Variants in PHACTR1 observed in about 807,000 individuals in gnomAD.
PHACTR1 encodes phosphatase and actin regulator 1.
Under a neutral mutation model 69.2 loss-of-function variants are expected in PHACTR1, and 16 were observed. The observed-to-expected ratio is 0.23, with a 90% CI of 0.16 to 0.35. PHACTR1 has a LOEUF of 0.35. Ranked by LOEUF, PHACTR1 falls within the 10% of genes least tolerant of loss-of-function variation. The probability of loss-of-function intolerance (pLI) is 1.00; values close to 1 mark genes in which losing one functional copy is unlikely to be tolerated. For missense variants in PHACTR1, 510 were observed against 734.7 expected (o/e 0.69, Z 3.54); for synonymous variants, 312 against 284.5 (o/e 1.10, Z -0.97).
At chr6:13,177,222 C>A (rs956651191) in intron 6 of PHACTR1, among the ~76,000 whole-genome samples, 3 of 137,810 alleles carry the variant, frequency 2.2e-5, no homozygotes, top group African/African-American at 8.8e-5. Context: ...TGGTAGTGTG[C>A]ACCTGTAGTC....
intron 4 of PHACTR1, among the ~76,000 whole-genome samples, chr6:12,810,951 G>A (rs144391515): frequency 9.2e-5 from 14 of 152,324 alleles, no homozygotes; most frequent in African/African-American, 1.9e-4. Context: ...GGAGCAGTCC[G>A]TTTCTTCATT....
chr6:12,759,616 A>G (rs1767806462), intron 4 of PHACTR1, among the ~76,000 whole-genome samples: 1 of 152,210 alleles, frequency 6.6e-6, no homozygotes, highest in Non-Finnish European at 1.5e-5. Context: ...GGGGCCAAGA[A>G]AAATGTTTTA....
At chr6:13,233,055 C>G (rs933541993) in intron 10 of PHACTR1, among the ~76,000 whole-genome samples, 1 of 152,172 alleles carries the variant, frequency 6.6e-6, no homozygotes, top group Non-Finnish European at 1.5e-5. Context: ...GCCTGTGAGG[C>G]TGGCCACCTG....
chr6:13,236,578 C>T (rs969363792), intron 10 of PHACTR1, among the ~76,000 whole-genome samples: 1 of 152,148 alleles, frequency 6.6e-6, no homozygotes, highest in Admixed American at 6.5e-5. Context: ...ACATCAATCT[C>T]TGCCTTCGTC....
chr6:13,036,252 T>C (rs1025928034), intron 4 of PHACTR1, among the ~76,000 whole-genome samples: 3 of 152,172 alleles, frequency 2.0e-5, no homozygotes, highest in African/African-American at 7.2e-5. Context: ...CCTATCCCTA[T>C]GCATAAATAG....
At chr6:13,134,022 C>T (rs1050232598) in intron 5 of PHACTR1, among the ~76,000 whole-genome samples, 2 of 148,830 alleles carry the variant, frequency 1.3e-5, no homozygotes, top group Admixed American at 1.3e-4. Flanking sequence ...CTCTGCCCGA[C>T]CACCACCCCA....
chr6:13,180,834 C>A (rs1265844466), intron 6 of PHACTR1, among the ~76,000 whole-genome samples: 1 of 152,212 alleles, frequency 6.6e-6, no homozygotes, highest in Non-Finnish European at 1.5e-5. Flanking sequence ...CTCAGCCCTT[C>A]CCATCCCAAA....
intron 4 of PHACTR1, among the ~76,000 whole-genome samples, chr6:12,995,966 A>G (rs1797369415): frequency 2.0e-5 from 3 of 152,154 alleles, no homozygotes; most frequent in Admixed American, 6.5e-5. Flanking sequence ...AATTAAATAA[A>G]TACCTAAGAA....
intron 6 of PHACTR1, among the ~76,000 whole-genome samples, chr6:13,169,496 A>G (rs1421864599): frequency 6.6e-6 from 1 of 152,146 alleles, no homozygotes; most frequent in African/African-American, 2.4e-5. Context: ...TGGAACCCCA[A>G]CATTTAATGT....
chr6:13,007,597 T>C (rs763083401), intron 4 of PHACTR1, among the ~76,000 whole-genome samples: 4 of 152,026 alleles, frequency 2.6e-5, no homozygotes, highest in Admixed American at 6.6e-5. Context: ...GACCAGATCT[T>C]CTTTCTGTCA....
chr6:13,005,645 C>A (rs887212143), intron 4 of PHACTR1, among the ~76,000 whole-genome samples: 1 of 152,132 alleles, frequency 6.6e-6, no homozygotes, highest in African/African-American at 2.4e-5. Context: ...CCCTGGAGTG[C>A]CGGAATCAAG....
rs1420367302 is a variant in PHACTR1, at chr6:13,246,926, TG to T, written c.1391+16735del. 2.0e-5 allele frequency among the ~76,000 whole-genome samples: 3 copies of T among 152,244 alleles called. No homozygotes were observed. Among genetic ancestry groups the T allele is most frequent in the African/African-American group, 7.2e-5 (3 of 41,460 alleles). The stretch of plus-strand genomic sequence containing the variant: ...TCTTGGGATGCCAAGACTTTTATAA[TG>T]GCCTCAAAAATTGCATACATGCCTA... On this transcript the variant is annotated intron_variant, in intron 10 of 14. Transcript: ENST00000332995. The surrounding 1 kb of genome is among the most constrained non-coding windows in gnomAD (Gnocchi z 4.2).
chr6:12,738,755 C>G (rs1764649171), intron 3 of PHACTR1, among the ~76,000 whole-genome samples: 1 of 152,046 alleles, frequency 6.6e-6, no homozygotes, highest in East Asian at 1.9e-4. Context: ...CCCGGCTACT[C>G]AAGTGGGCTG....
chr6:13,007,928 C>T (rs1291247609), intron 4 of PHACTR1, among the ~76,000 whole-genome samples: 1 of 152,076 alleles, frequency 6.6e-6, no homozygotes, highest in East Asian at 1.9e-4. Flanking sequence ...GCATAATTAT[C>T]ACAAGCCTAG....
chr6:12,768,067 ATCTC>A (rs1554135754), intron 4 of PHACTR1, among the ~76,000 whole-genome samples: 1 of 149,434 alleles, frequency 6.7e-6, no homozygotes, highest in Non-Finnish European at 1.5e-5. Flanking sequence ...GTACAATAAC[ATCTC>A]TCTCTATGGG....
At chr6:13,161,741 A>G (rs1759048612) in intron 6 of PHACTR1, among the ~76,000 whole-genome samples, 2 of 152,054 alleles carry the variant, frequency 1.3e-5, no homozygotes, top group Admixed American at 6.5e-5. Context: ...GACCTCCTTC[A>G]TTCTTGTCAT....
At chr6:13,071,767 T>A (rs1378135364) in intron 5 of PHACTR1, among the ~76,000 whole-genome samples, 1 of 152,212 alleles carries the variant, frequency 6.6e-6, no homozygotes. Context: ...GGGGTTTACC[T>A]TCTCTGAAAA....
intron 4 of PHACTR1, among the ~76,000 whole-genome samples, chr6:12,953,824 G>A (rs1791566148): frequency 6.6e-6 from 1 of 152,170 alleles, no homozygotes; most frequent in Non-Finnish European, 1.5e-5. Flanking sequence ...GGAGTAGAAA[G>A]GAAGAGTATT....
chr6:13,267,057 C>T (rs566894737), intron 10 of PHACTR1: 10 of 152,372 alleles, frequency 6.6e-5, no homozygotes, highest in African/African-American at 2.2e-4. Flanking sequence ...GAGATCCCTG[C>T]ACCAAGTGCC....
Sources: gnomAD v4.1 joint callset for allele counts (sites outside exome capture counted in the v4.1 genomes callset) on GRCh38, gnomAD v4.1.1 for gene constraint, Gnocchi (gnomAD v3.1) non-coding constraint, MANE v1.5 for transcripts, NCBI Gene and HGNC (gene_info 2026-07-23, HGNC 2026-07-21) for gene names.